USP42: variants seen among roughly 807,000 people sequenced by gnomAD.
USP42 encodes ubiquitin specific peptidase 42.
USP42 carries 23 observed loss-of-function variants against 113.0 expected under a neutral mutation model. That is an observed-to-expected ratio of 0.20 (90% CI 0.15 to 0.29). The LOEUF (loss-of-function observed/expected upper bound fraction) is 0.29, where lower values mean the gene tolerates loss of function less well. Ranked by LOEUF, USP42 falls within the 10% of genes least tolerant of loss-of-function variation. The pLI, the probability that USP42 is intolerant of heterozygous loss-of-function variation, is 1.00. For missense variants in USP42, 2,174 were observed against 1,779.8 expected (o/e 1.22, Z -3.99); for synonymous variants, 933 against 699.0 (o/e 1.33, Z -5.28).
chr7:6,115,586 T>C (rs1779866884), intron 3 of USP42, 63 bp downstream of exon 3: 3 of 1,550,628 alleles, frequency 1.9e-6, no homozygotes, highest in South Asian at 1.1e-5. Context: ...TTTTTTCCTC[T>C]GAAATGAAAG....
intron 1 of USP42, among the ~76,000 whole-genome samples, chr7:6,107,349 G>A (rs555084149): frequency 1.3e-5 from 2 of 151,886 alleles, no homozygotes; most frequent in Non-Finnish European, 2.9e-5. Context: ...CTGTAAATAA[G>A]GCTGGATTAA....
At chr7:6,083,231 T>TGC in the USP42 span, among the ~76,000 whole-genome samples, 3 of 11,782 alleles carry the variant, frequency 2.5e-4, no homozygotes, top group African/African-American at 6.2e-4. Flanking sequence ...AGCTTATTTA[T>TGC]TTATTTATTT....
chr7:6,089,051 A>C, the USP42 span, among the ~76,000 whole-genome samples: 1 of 148,132 alleles, frequency 6.8e-6, no homozygotes, highest in Non-Finnish European at 1.5e-5. Flanking sequence ...ATTTATTTAT[A>C]TTTATCTTTT....
At position 6,147,839 on chromosome 7, in the gene USP42, A is replaced by G; in HGVS notation, c.1333A>G (p.Lys445Glu). 1 of 1,613,546 alleles carries G rather than the reference A, an allele frequency of 6.2e-7. No individual in the cohort carries two copies. The highest frequency in any genetic ancestry group is 8.5e-7 in the Non-Finnish European group (1 of 1,179,664). ...CATCAGTCAGCGGGTTGTCACCAAC[A>G]AACAGGCTGCGCCAGGCTTTATCGG... ...PVISQRVVTN[K>E]QAAPGFIGPQ... The change falls in exon 12 of 18, where the codon AAA (lysine) becomes GAA (glutamate). Residue 445 changes from lysine (K) to glutamate (E), a missense_variant. By Grantham distance (56) the Lys-to-Glu change is moderately conservative (BLOSUM62 1). Coordinates refer to ENST00000306177, the MANE Select transcript of USP42 (RefSeq NM_032172.3).
At chr7:6,085,082 C>T in the USP42 span, 1 of 150,660 alleles carries the variant, frequency 6.6e-6, no homozygotes, top group Non-Finnish European at 1.5e-5. Flanking sequence ...CTGTGCCCAG[C>T]CTTGTTTTTG....
chr7:6,085,734 C>A, the USP42 span, among the ~76,000 whole-genome samples: 1 of 150,402 alleles, frequency 6.6e-6, no homozygotes, highest in African/African-American at 2.5e-5. Flanking sequence ...CCTGCCTCAG[C>A]TTCCTGAGTA....
At chr7:6,123,235 C>T (rs1780335227) in intron 3 of USP42, among the ~76,000 whole-genome samples, 2 of 152,236 alleles carry the variant, frequency 1.3e-5, no homozygotes, top group South Asian at 2.1e-4. Context: ...TAAATTTAGC[C>T]ACCCCAAGCT....
At chr7:6,155,429 A>G (rs995155116) in intron 15 of USP42, among the ~76,000 whole-genome samples, 36 of 152,150 alleles carry the variant, frequency 2.4e-4, no homozygotes, top group African/African-American at 8.5e-4. Flanking sequence ...AATGCCTAAC[A>G]ACCTTCTTTT....
intron 3 of USP42, among the ~76,000 whole-genome samples, chr7:6,121,124 A>T (rs1780203945): frequency 6.6e-6 from 1 of 151,880 alleles, no homozygotes. Context: ...CAGTCTGTGT[A>T]GGTTCTTTAT....
At chr7:6,131,287 C>G (rs888141610) in intron 3 of USP42, among the ~76,000 whole-genome samples, 9 of 152,014 alleles carry the variant, frequency 5.9e-5, no homozygotes, top group African/African-American at 2.2e-4. Context: ...ACCAGCCTGG[C>G]CAACATGGTG....
rs1359015827 is a variant in USP42 at position 6,158,266 on chromosome 7, G to GCAGGGAC, written c.3944-1182_3944-1176dup. 6.6e-6 allele frequency among the ~76,000 whole-genome samples: 1 copy of GCAGGGAC among 152,238 alleles called. No homozygotes were observed. Among genetic ancestry groups the GCAGGGAC allele is most frequent in the East Asian group, 1.9e-4 (1 of 5,182 alleles). On this transcript the variant is annotated intron_variant, in intron 16 of 17. Coordinates refer to ENST00000306177, the MANE Select transcript of USP42 (RefSeq NM_032172.3). This position sits in a 1 kb window ranked among gnomAD's most constrained non-coding sequence, Gnocchi z 4.2. ...GGCAGAGGTGAGTGGCTGCGGCAGG[G>GCAGGGAC]CAGGGACCGTGTGGCTCGCAAAGCG...
rs532910633 is a variant in USP42 at position 6,146,608 on chromosome 7, T to C, written c.1232+360T>C. ...GAGCCTGGGGAGGCCGAGGCTGCAGTAAGCCATGATTGAGCCACTGCATTC... is the reference window on the plus strand; with the variant it reads ...GAGCCTGGGGAGGCCGAGGCTGCAGCAAGCCATGATTGAGCCACTGCATTC... On this transcript the variant is annotated intron_variant, in intron 11 of 17. Transcript: ENST00000306177. Among the ~76,000 whole-genome samples, 21 of 152,062 alleles carry C rather than the reference T, an allele frequency of 1.4e-4. No individual in the cohort carries two copies. The South Asian group carries it at 4.4e-3, about 32-fold the overall frequency.
upstream of USP42, among the ~76,000 whole-genome samples, chr7:6,101,472 A>G (rs1224112205): frequency 6.6e-6 from 1 of 151,268 alleles, no homozygotes; most frequent in African/African-American, 2.5e-5. Flanking sequence ...AGAACAGAGG[A>G]AAAGTGACTT....
At chr7:6,132,252 T>A (rs2128496231) in intron 3 of USP42, among the ~76,000 whole-genome samples, 1 of 152,342 alleles carries the variant, frequency 6.6e-6, no homozygotes, top group South Asian at 2.1e-4. Flanking sequence ...ACTTGAAAGA[T>A]ATTATTCCAC....
chr7:6,112,674 T>C (rs1457009763), intron 2 of USP42, among the ~76,000 whole-genome samples: 1 of 152,162 alleles, frequency 6.6e-6, no homozygotes, highest in Non-Finnish European at 1.5e-5. Context: ...CCCAGACAGC[T>C]TTGAATGCAG....
intron 3 of USP42, among the ~76,000 whole-genome samples, chr7:6,127,844 G>C (rs574886376): frequency 6.6e-6 from 1 of 152,204 alleles, no homozygotes; most frequent in Admixed American, 6.6e-5. Flanking sequence ...CTTAATTTGG[G>C]GGGATTAACA....
Position 6,150,054 on chromosome 7 carries a change from A to G in USP42, c.1858A>G (p.Lys620Glu), listed in dbSNP as rs758584009. Residue 620 changes from lysine to glutamate, a missense_variant, in exon 13 of 18, where the codon AAG becomes GAG. Lys to Glu is a moderately conservative substitution (Grantham distance 56). Transcript: ENST00000306177. ...ESSEDSDEESKGLGKENGIGT... is the reference protein window; with the variant it reads ...ESSEDSDEESEGLGKENGIGT... ...CTCTGAGGACTCTGACGAGGAGTCA[A>G]AGGGGCTGGGCAAGGAGAATGGGAT... is the stretch of plus-strand genomic sequence containing the variant. 2.4e-5 allele frequency: 38 copies of G among 1,610,132 alleles called. No individual in the cohort carries two copies. The Admixed American group carries it at 2.7e-4, about 11-fold the overall frequency.
chr7:6,136,112 G>C (rs1781132517), intron 4 of USP42, among the ~76,000 whole-genome samples, 161 bp downstream of exon 4: 1 of 144,764 alleles, frequency 6.9e-6, no homozygotes, highest in Non-Finnish European at 1.5e-5. Flanking sequence ...TCAAACGATT[G>C]TCCTGTCTCA....
chr7:6,087,440 G>C, the USP42 span, among the ~76,000 whole-genome samples: 2 of 145,830 alleles, frequency 1.4e-5, no homozygotes, highest in African/African-American at 5.2e-5. Context: ...GGGCACAAGT[G>C]ATCCTCCCAC....
Sources: gnomAD v4.1 joint callset for allele counts (sites outside exome capture counted in the v4.1 genomes callset) on GRCh38, gnomAD v4.1.1 for gene constraint, Gnocchi (gnomAD v3.1) non-coding constraint, MANE v1.5 for transcripts, NCBI Gene and HGNC (gene_info 2026-07-23, HGNC 2026-07-21) for gene names.